The following ANO4 variants were observed in gnomAD, a reference collection of about 807,000 sequenced individuals.
ANO4 encodes anoctamin 4, also known as anoctamin-4.
Under a neutral mutation model 141.9 loss-of-function variants are expected in ANO4, and 69 were observed. The observed-to-expected ratio is 0.49, with a 90% CI of 0.40 to 0.59. The LOEUF is 0.59. ANO4 is among the 20% of genes least tolerant of loss of function. The pLI, the probability that ANO4 is intolerant of heterozygous loss-of-function variation, is 0.00. For synonymous variants in ANO4, 350 were observed against 394.3 expected (o/e 0.89, Z 1.33); for missense variants, 894 against 1,162.2 (o/e 0.77, Z 3.36).
chr12:100,873,972 T>G (rs1298367699), intron 1 of ANO4, among the ~76,000 whole-genome samples: 1 of 152,156 alleles, frequency 6.6e-6, no homozygotes, highest in South Asian at 2.1e-4. Context: ...CTGCTCCAGC[T>G]CCAGCTGTGG....
chr12:100,919,757 T>TATC (rs1355667108), intron 2 of ANO4, among the ~76,000 whole-genome samples: 1 of 151,328 alleles, frequency 6.6e-6, no homozygotes, highest in Non-Finnish European at 1.5e-5. Context: ...TCTATCTATC[T>TATC]ATCTATCTAT....
intron 5 of ANO4, among the ~76,000 whole-genome samples, chr12:100,958,994 T>C (rs915653049): frequency 6.6e-5 from 10 of 152,120 alleles, no homozygotes; most frequent in Non-Finnish European, 1.3e-4. Flanking sequence ...AGGTGATGTT[T>C]GACCAAGATC....
At chr12:101,086,125 T>TGTGTGTGTGTGTGTG (rs1566228195) in intron 16 of ANO4, among the ~76,000 whole-genome samples, 8 of 134,838 alleles carry the variant, frequency 5.9e-5, no homozygotes, top group Non-Finnish European at 1.2e-4. Flanking sequence ...TGTGTGTGTG[T>TGTGTGTGTGTGTGTG]TCGGCAAGAG....
chr12:100,960,902 G>C (rs545751684), intron 5 of ANO4, among the ~76,000 whole-genome samples: 1 of 152,112 alleles, frequency 6.6e-6, no homozygotes, highest in East Asian at 1.9e-4. Flanking sequence ...ACATTATGAT[G>C]GTCTGTAAGA....
intron 1 of ANO4, among the ~76,000 whole-genome samples, chr12:100,795,798 A>T (rs1429148991): frequency 6.6e-6 from 1 of 152,138 alleles, no homozygotes; most frequent in Non-Finnish European, 1.5e-5. Context: ...GAATGGTTAG[A>T]CTTTTCTAGG....
rs748666892 is a variant in ANO4 at position 100,988,872 on chromosome 12, G to GAAAAAAAAAAAAAAAAAAAAAAA, written c.734+1218_734+1219insAAAAAAAAAAAAAAAAAAAAAAA. Among the ~76,000 whole-genome samples, 25 of 64,984 alleles carry GAAAAAAAAAAAAAAAAAAAAAAA rather than the reference G, an allele frequency of 3.8e-4. 1 individual carries two copies. The highest frequency in any genetic ancestry group is 9.6e-3 in the Middle Eastern group (1 of 104). The allele number at this position is 64,984 out of a possible 152,430, so 42.6% of individuals were successfully genotyped here. A position where few individuals can be genotyped will look rare whatever the true frequency, so the allele number is the denominator to read the frequency against. On this transcript the variant is annotated intron_variant, in intron 8 of 27. Coordinates refer to ENST00000392977, the MANE Select transcript of ANO4 (RefSeq NM_001286615.2). Reference sequence around the variant, plus strand: ...GGTGACAGAGTGAGACTCTGTCTCAGAAAAAAAAAAAAAAAAGAAAGAAAA... The same window carrying GAAAAAAAAAAAAAAAAAAAAAAA: ...GGTGACAGAGTGAGACTCTGTCTCAGAAAAAAAAAAAAAAAAAAAAAAAAAAAAAAAAAAAAAAAGAAAGAAAA...
intron 2 of ANO4, among the ~76,000 whole-genome samples, chr12:100,904,556 C>T (rs2040748203): frequency 6.6e-6 from 1 of 151,992 alleles, no homozygotes; most frequent in Non-Finnish European, 1.5e-5. Context: ...AGTTAGTGGA[C>T]AGGTTGTAGG....
intron 3 of ANO4, among the ~76,000 whole-genome samples, chr12:100,928,963 T>C (rs1053891353): frequency 2.0e-5 from 3 of 151,870 alleles, no homozygotes; most frequent in Admixed American, 6.6e-5. Context: ...CAATGACATC[T>C]TTTTTTATTT....
intron 2 of ANO4, among the ~76,000 whole-genome samples, chr12:100,906,376 T>C (rs2040846821): frequency 6.6e-6 from 1 of 152,086 alleles, no homozygotes; most frequent in Non-Finnish European, 1.5e-5. Flanking sequence ...GTTAGGGTAA[T>C]AGAAGGAGGA....
intron 3 of ANO4, among the ~76,000 whole-genome samples, chr12:100,753,390 G>A (rs1011697961): frequency 1.3e-5 from 2 of 152,072 alleles, no homozygotes; most frequent in Admixed American, 1.3e-4. Context: ...TTTTCAAGTG[G>A]GCTCAGATCT....
In ANO4 at chr12:100,939,470, T is replaced by G; in HGVS notation, c.297+19T>G. ...GGGAGAGGTAAGAGTATATGATTTC[T>G]TACAAATGTAATTCGTGATCCAGGC... On this transcript the variant is annotated intron_variant, in intron 4 of 27. Coordinates refer to ENST00000392977, the MANE Select transcript of ANO4 (RefSeq NM_001286615.2). 1 of 1,609,282 alleles carries G rather than the reference T, an allele frequency of 6.2e-7. No individual in the cohort carries two copies. Among genetic ancestry groups the G allele is most frequent in the Non-Finnish European group, 8.5e-7 (1 of 1,176,724 alleles).
At chr12:100,870,169 G>C (rs889528274) in intron 1 of ANO4, among the ~76,000 whole-genome samples, 2 of 152,100 alleles carry the variant, frequency 1.3e-5, no homozygotes, top group South Asian at 2.1e-4. Flanking sequence ...CTGTGGAAAG[G>C]GTTGCTGGAA....
chr12:100,852,073 G>C (rs1416040140), intron 1 of ANO4, among the ~76,000 whole-genome samples: 2 of 152,114 alleles, frequency 1.3e-5, no homozygotes, highest in Non-Finnish European at 2.9e-5. Context: ...GACTTAAATA[G>C]GGGAGTGACC....
intron 3 of ANO4, among the ~76,000 whole-genome samples, chr12:100,923,076 A>G (rs1419060631): frequency 2.0e-5 from 3 of 152,130 alleles, no homozygotes; most frequent in Non-Finnish European, 4.4e-5. Flanking sequence ...TGTGAAGAAC[A>G]TTGTATAAAC....
At chr12:101,030,251 A>G (rs753133139) in intron 9 of ANO4, among the ~76,000 whole-genome samples, 3 of 152,222 alleles carry the variant, frequency 2.0e-5, no homozygotes, top group East Asian at 3.8e-4. Context: ...AGCAAATGCA[A>G]AAAAACTGAA....
chr12:100,785,146 A>G (rs1276067652), intron 3 of ANO4, among the ~76,000 whole-genome samples: 1 of 152,102 alleles, frequency 6.6e-6, no homozygotes, highest in Non-Finnish European at 1.5e-5. Flanking sequence ...GATTTCCCAC[A>G]CACCCTCTGC....
chr12:100,834,298 A>T (rs1226996389), intron 1 of ANO4, among the ~76,000 whole-genome samples: 1 of 152,138 alleles, frequency 6.6e-6, no homozygotes, highest in Admixed American at 6.5e-5. Context: ...CCCTAGTACG[A>T]GGCCAGGCAC....
chr12:100,752,322 CCTA>C (rs1225890097), intron 3 of ANO4, among the ~76,000 whole-genome samples: 1 of 151,790 alleles, frequency 6.6e-6, no homozygotes, highest in Non-Finnish European at 1.5e-5. Context: ...TGTATTGTGA[CCTA>C]CTACTACTAC....
intron 3 of ANO4, among the ~76,000 whole-genome samples, chr12:100,786,143 T>A (rs2033867423): frequency 6.6e-6 from 1 of 152,186 alleles, no homozygotes; most frequent in Non-Finnish European, 1.5e-5. Flanking sequence ...AATTTTCTGC[T>A]TATGGATCAG....
Sources: gnomAD v4.1 joint callset for allele counts (sites outside exome capture counted in the v4.1 genomes callset) on GRCh38, gnomAD v4.1.1 for gene constraint, MANE v1.5 for transcripts, NCBI Gene and HGNC (gene_info 2026-07-23, HGNC 2026-07-21) for gene names.